BTG3: variants seen among roughly 807,000 people sequenced by gnomAD.
BTG3 encodes the protein protein BTG3.
In BTG3, 4 loss-of-function variants were observed where a neutral mutation model predicts 25.8. The observed-to-expected ratio is 0.16, with a 90% confidence interval of 0.08 to 0.36. The LOEUF (loss-of-function observed/expected upper bound fraction) is 0.36, where lower values mean the gene tolerates loss of function less well. Among genes scored for constraint, BTG3 ranks in the 10% least tolerant of loss-of-function variants. The probability of loss-of-function intolerance (pLI) is 1.00; values close to 1 mark genes in which losing one functional copy is unlikely to be tolerated. For missense variants in BTG3, 201 were observed against 304.9 expected (o/e 0.66, Z 2.54); for synonymous variants, 107 against 99.9 (o/e 1.07, Z -0.42).
intron 4 of BTG3, among the ~76,000 whole-genome samples, chr21:17,594,641 G>C (rs1399132002): frequency 6.6e-6 from 1 of 152,102 alleles, no homozygotes; most frequent in African/African-American, 2.4e-5. Context: ...GCTTGTTTTA[G>C]TCCAGTGGTT....
At chr21:17,604,302 G>A (rs1053536929) in intron 3 of BTG3, 10 of 243,336 alleles carry the variant, frequency 4.1e-5, no homozygotes, top group African/African-American at 1.2e-4. Flanking sequence ...AAAATTAGCC[G>A]GGCACAGTGG....
At chr21:17,596,590 G>A (rs995372858) in intron 4 of BTG3, among the ~76,000 whole-genome samples, 2 of 151,946 alleles carry the variant, frequency 1.3e-5, no homozygotes, top group Non-Finnish European at 2.9e-5. Context: ...GGAGAAAAAA[G>A]ACTAACTGTA....
chr21:17,601,858 T>G (rs1300634587), intron 3 of BTG3, among the ~76,000 whole-genome samples: 1 of 152,216 alleles, frequency 6.6e-6, no homozygotes, highest in Non-Finnish European at 1.5e-5. Context: ...ATCTAATGAT[T>G]GAAGGATCAG....
chr21:17,602,596 A>G (rs1468278515), intron 3 of BTG3, among the ~76,000 whole-genome samples: 1 of 152,196 alleles, frequency 6.6e-6, no homozygotes, highest in Admixed American at 6.5e-5. Flanking sequence ...TTGAATGAAC[A>G]CCTGACACTC....
intron 2 of BTG3, among the ~76,000 whole-genome samples, chr21:17,605,956 G>A (rs1194217262): frequency 3.3e-5 from 5 of 152,054 alleles, no homozygotes; most frequent in Non-Finnish European, 7.4e-5. Context: ...TAGTAATTAC[G>A]CTGTAAAATA....
intron 1 of BTG3, among the ~76,000 whole-genome samples, chr21:17,610,484 C>T (rs755694567): frequency 2.0e-5 from 3 of 152,252 alleles, no homozygotes; most frequent in African/African-American, 4.8e-5. Flanking sequence ...TCAGGTCACC[C>T]GCAGAAAAAC....
chr21:17,597,739 GA>G (rs34667419), intron 4 of BTG3, among the ~76,000 whole-genome samples: 152,127 of 152,128 alleles, frequency 1, 76,063 homozygotes, highest in Non-Finnish European at 1. Flanking sequence ...AAAAAAATGA[GA>G]AAACCAAAAA....
intron 2 of BTG3, among the ~76,000 whole-genome samples, chr21:17,607,448 C>T (rs1443119312): frequency 6.6e-6 from 1 of 152,098 alleles, no homozygotes; most frequent in Non-Finnish European, 1.5e-5. Flanking sequence ...CCTGTGTTAG[C>T]GTGCACATTT....
Position 17,608,104 on chromosome 21 carries a change from C to T in BTG3, c.173+868G>A, listed in dbSNP as rs59563635. Among the ~76,000 whole-genome samples the T allele has an allele frequency of 9.9e-5, 15 of 152,264 alleles. No homozygotes were observed. In the East Asian group the frequency reaches 1.5e-3, roughly 16 times the overall value. The stretch of plus-strand genomic sequence containing the variant: ...AACCTTGGCCAGGCATGGTGGCTCA[C>T]GCCTGTAATCCTCACATTCTGGGAG... On this transcript the variant is annotated intron_variant, in intron 2 of 4. Transcript: ENST00000348354.
chr21:17,605,751 T>C (rs1601100461), intron 2 of BTG3, among the ~76,000 whole-genome samples: 3 of 152,336 alleles, frequency 2.0e-5, no homozygotes, highest in South Asian at 4.1e-4. Flanking sequence ...TTCTGTTAAA[T>C]GATAAGCATT....
At chr21:17,602,087 A>C (rs1395552369) in intron 3 of BTG3, among the ~76,000 whole-genome samples, 2 of 152,284 alleles carry the variant, frequency 1.3e-5, no homozygotes, top group Non-Finnish European at 2.9e-5. Context: ...ATCAAGGCTA[A>C]TTTAGTTATT....
At chr21:17,604,825 G>T in intron 3 of BTG3, 35 bp downstream of exon 3, 1 of 1,594,714 alleles carries the variant, frequency 6.3e-7, no homozygotes. Context: ...GTTCCAGCAT[G>T]GTCATCAGTT....
At chr21:17,605,074 C>A in intron 2 of BTG3, 77 bp from the exon 3 acceptor site, 1 of 1,478,122 alleles carries the variant, frequency 6.8e-7, no homozygotes, top group Non-Finnish European at 9.2e-7. Flanking sequence ...TCATACTTGC[C>A]AAGGTGAGTA....
chr21:17,605,615 T>C (rs138099233), intron 2 of BTG3, among the ~76,000 whole-genome samples: 1 of 152,326 alleles, frequency 6.6e-6, no homozygotes, highest in East Asian at 1.9e-4. Flanking sequence ...CCAAGCACTT[T>C]TATTTAAATA....
At chr21:17,595,591 C>T (rs560967726) in intron 4 of BTG3, among the ~76,000 whole-genome samples, 1 of 151,574 alleles carries the variant, frequency 6.6e-6, no homozygotes, top group Non-Finnish European at 1.5e-5. Flanking sequence ...CATAAAGATC[C>T]TTCTCATTTT....
intron 4 of BTG3, among the ~76,000 whole-genome samples, chr21:17,597,371 T>TA: frequency 6.6e-6 from 1 of 151,962 alleles, no homozygotes; most frequent in East Asian, 1.9e-4. Flanking sequence ...TTGCAATATA[T>TA]AATCCATCAC....
intron 3 of BTG3, among the ~76,000 whole-genome samples, chr21:17,602,186 TGAGTA>T (rs1194518831): frequency 6.6e-6 from 1 of 152,188 alleles, no homozygotes; most frequent in Non-Finnish European, 1.5e-5. Flanking sequence ...TAAAATATGT[TGAGTA>T]GATAAGCTGG....
Position 17,598,771 on chromosome 21 carries a change from T to C in BTG3, c.365A>G (p.Glu122Gly), listed in dbSNP as rs142352513. 26 of 1,614,068 alleles carry C rather than the reference T, an allele frequency of 1.6e-5. No homozygotes were observed. The African/African-American group carries it at 2.9e-4, about 18-fold the overall frequency. ...TTTCCTGGAGATCTCATCCTTGTTC[T>C]CATCTTTATTTTCAAAGCTGGCAAC... Reference protein sequence around the residue: ...FIVASFENKDENKDEISRKVT... With the variant: ...FIVASFENKDGNKDEISRKVT... Residue 122 changes from glutamate to glycine, a missense_variant, in exon 4 of 5, where the codon GAG becomes GGG. This residue lies in a region of BTG3 where 70 missense variants were observed against 175.7 expected (regional missense o/e 0.40). Coordinates refer to ENST00000348354, the MANE Select transcript of BTG3 (RefSeq NM_006806.5).
At chr21:17,599,062 T>C (rs200400535) in intron 3 of BTG3, 1 of 327,402 alleles carries the variant, frequency 3.1e-6, no homozygotes, top group Non-Finnish European at 5.3e-6. Context: ...CTTTCCCTTA[T>C]TTTCTTTCTA....
Sources: allele counts gnomAD v4.1 joint callset (sites outside exome capture counted in the v4.1 genomes callset), GRCh38; gene constraint gnomAD v4.1.1; regional missense constraint gnomAD v4.1.1; transcripts MANE v1.5; gene names NCBI Gene and HGNC (gene_info 2026-07-23, HGNC 2026-07-21).